Variants in VPS36 observed in about 807,000 individuals in gnomAD.
The protein encoded by VPS36 is vacuolar protein sorting 36 homolog.
VPS36 carries 31 observed loss-of-function variants against 63.5 expected under a neutral mutation model. That is an observed-to-expected ratio of 0.49 (90% confidence interval 0.37 to 0.66). The LOEUF (loss-of-function observed/expected upper bound fraction) is 0.66. VPS36 is among the 30% of genes least tolerant of loss of function. The pLI, the probability that VPS36 is intolerant of heterozygous loss-of-function variation, is 0.00. For synonymous variants in VPS36, 138 were observed against 157.2 expected (o/e 0.88, Z 0.91); for missense variants, 338 against 463.7 (o/e 0.73, Z 2.49).
At chr13:52,420,776 A>G (rs1057312858) in intron 10 of VPS36, among the ~76,000 whole-genome samples, 5 of 152,178 alleles carry the variant, frequency 3.3e-5, no homozygotes, top group Non-Finnish European at 5.9e-5. Context: ...TTTCACATGT[A>G]CCCCATAAAT....
intron 3 of VPS36, among the ~76,000 whole-genome samples, chr13:52,437,993 C>G (rs1958236416): frequency 6.6e-6 from 1 of 151,888 alleles, no homozygotes; most frequent in Non-Finnish European, 1.5e-5. Flanking sequence ...GAAACGTACA[C>G]ATCTTGAAAT....
At chr13:52,450,140 G>A in intron 1 of VPS36, 1 of 999,560 alleles carries the variant, frequency 1.0e-6, no homozygotes, top group Non-Finnish European at 1.2e-6. Context: ...CAAGGAAGTC[G>A]ACTGCCGGAT....
At chr13:52,423,747 T>C (rs142793035) in intron 9 of VPS36, 108 bp from the exon 10 acceptor site, 10 of 1,006,524 alleles carry the variant, frequency 9.9e-6, no homozygotes, top group Non-Finnish European at 1.2e-5. Flanking sequence ...GAAAAATTTT[T>C]AAGAAGCTTA....
At chr13:52,440,631 A>G (rs1465899386) in intron 2 of VPS36, among the ~76,000 whole-genome samples, 1 of 152,216 alleles carries the variant, frequency 6.6e-6, no homozygotes, top group Non-Finnish European at 1.5e-5. Flanking sequence ...TTTAATTTTT[A>G]TATGTGACTA....
At chr13:52,416,270 A>T in intron 12 of VPS36, 177 bp from the exon 13 acceptor site, 1 of 635,656 alleles carries the variant, frequency 1.6e-6, no homozygotes, top group East Asian at 2.8e-5. Context: ...ACTAATGCTT[A>T]ATCCTACAAA....
chr13:52,426,211 C>A (rs1394479181), intron 8 of VPS36, 145 bp from the exon 9 acceptor site: 1 of 989,592 alleles, frequency 1.0e-6, no homozygotes, highest in Non-Finnish European at 1.4e-6. Flanking sequence ...TATAAGGGAG[C>A]AGATTTCCAG....
chr13:52,440,932 G>A (rs147563483), intron 2 of VPS36, among the ~76,000 whole-genome samples: 1 of 152,258 alleles, frequency 6.6e-6, no homozygotes, highest in African/African-American at 2.4e-5. Context: ...CAGACCATCA[G>A]GCATTAGACT....
chr13:52,431,762 C>CA (rs60968712), intron 6 of VPS36, among the ~76,000 whole-genome samples: 4,728 of 67,478 alleles, frequency 0.07, 117 homozygotes, highest in Middle Eastern at 0.091. Flanking sequence ...GACTCTGTCT[C>CA]AAAAAAAAAA....
At chr13:52,424,682 T>C (rs1001634634) in intron 9 of VPS36, among the ~76,000 whole-genome samples, 7 of 152,144 alleles carry the variant, frequency 4.6e-5, no homozygotes, top group African/African-American at 1.4e-4. Context: ...ACAGACCAAC[T>C]GTAAGAGAAA....
chr13:52,427,598 T>C (rs969619559), intron 6 of VPS36, among the ~76,000 whole-genome samples: 3 of 150,908 alleles, frequency 2.0e-5, no homozygotes, highest in Non-Finnish European at 4.4e-5. Flanking sequence ...CAAAGCAAGA[T>C]TCTGTCTCAA....
At chr13:52,444,117 C>T (rs1392121324) in intron 1 of VPS36, among the ~76,000 whole-genome samples, 1 of 152,174 alleles carries the variant, frequency 6.6e-6, no homozygotes, top group Non-Finnish European at 1.5e-5. Context: ...TAGTGAGTGT[C>T]CAGTTTATTA....
rs1028369384 is a variant in VPS36 at position 52,439,129 on chromosome 13, T to C, written c.205A>G (p.Ile69Val). The change falls in exon 3 of 14, where the codon ATT (isoleucine) becomes GTT (valine). Residue 69 changes from isoleucine (I) to valine (V), a missense_variant. By Grantham distance (29) the Ile-to-Val change is conservative. Transcript: ENST00000378060. ...MAILLSQIVFIEEQAAGIGKS... is the reference protein window; with the variant it reads ...MAILLSQIVFVEEQAAGIGKS... ...CCAATTCCAGCCGCCTGTTCTTCAA[T>C]GAACACAATTTGGGAAAGGAGAATG... 1.2e-6 allele frequency: 2 copies of C among 1,613,746 alleles called. No homozygotes were observed. The highest frequency in any genetic ancestry group is 1.7e-6 in the Non-Finnish European group (2 of 1,179,936).
intron 10 of VPS36, 115 bp downstream of exon 10, chr13:52,423,457 CCA>C (rs962364414): frequency 1.6e-4 from 140 of 849,836 alleles, no homozygotes; most frequent in Admixed American, 2.9e-4. Context: ...TTTCACTGTA[CCA>C]CAGTGCTTCT....
intron 1 of VPS36, among the ~76,000 whole-genome samples, chr13:52,446,846 G>A (rs1958348415): frequency 6.6e-6 from 1 of 150,710 alleles, no homozygotes; most frequent in African/African-American, 2.4e-5. Context: ...GCCTATCATT[G>A]GCAATTCCTC....
intron 1 of VPS36, among the ~76,000 whole-genome samples, chr13:52,445,828 T>C (rs1456464268): frequency 1.5e-5 from 2 of 135,472 alleles, no homozygotes; most frequent in African/African-American, 5.6e-5. Flanking sequence ...TAGTCCCAGC[T>C]ACTTGGGAGG....
intron 1 of VPS36, chr13:52,450,135 A>G: frequency 2.0e-6 from 2 of 998,246 alleles, no homozygotes; most frequent in Non-Finnish European, 2.4e-6. Flanking sequence ...CACGCCAAGG[A>G]AGTCGACTGC....
At chr13:52,432,658 C>T (rs1282821045) in intron 6 of VPS36, among the ~76,000 whole-genome samples, 1 of 152,190 alleles carries the variant, frequency 6.6e-6, no homozygotes. Context: ...CGAAAGAACA[C>T]AGCATCACCT....
intron 3 of VPS36, among the ~76,000 whole-genome samples, chr13:52,438,841 G>T (rs1958244648): frequency 6.6e-6 from 1 of 152,150 alleles, no homozygotes; most frequent in Non-Finnish European, 1.5e-5. Context: ...TCTCAAATAG[G>T]TTATTTCCGA....
chr13:52,416,317 A>G, intron 12 of VPS36: 3 of 518,086 alleles, frequency 5.8e-6, no homozygotes, highest in Non-Finnish European at 1.0e-5. Flanking sequence ...TAGAGGCTCA[A>G]ATATCAAGAT....
Sources: allele counts gnomAD v4.1 joint callset (sites outside exome capture counted in the v4.1 genomes callset), GRCh38; gene constraint gnomAD v4.1.1; transcripts MANE v1.5; gene names NCBI Gene and HGNC (gene_info 2026-07-23, HGNC 2026-07-21).